The following COL28A1 variants were observed in gnomAD, a reference collection of about 807,000 sequenced individuals.
COL28A1 encodes the protein collagen alpha-1(XXVIII) chain.
Under a neutral mutation model 150.2 loss-of-function variants are expected in COL28A1, and 161 were observed. The observed-to-expected ratio is 1.07, with a 90% CI of 0.94 to 1.22. The LOEUF is 1.22. Ranked by LOEUF, COL28A1 falls within the 50% of genes most tolerant of loss-of-function variation. COL28A1 has a pLI of 0.00. For missense variants in COL28A1, 1,617 were observed against 1,388.3 expected, an observed-to-expected ratio of 1.16 and a Z score of -2.62; for synonymous variants, 552 against 469.7, an observed-to-expected ratio of 1.18 and a Z score of -2.26.
chr7:7,535,006 A>G (rs1444611483), intron 1 of COL28A1, among the ~76,000 whole-genome samples: 2 of 152,022 alleles, frequency 1.3e-5, no homozygotes, highest in Non-Finnish European at 2.9e-5. Flanking sequence ...TTGAGAGCCC[A>G]CTCATTTCTA....
intron 13 of COL28A1, among the ~76,000 whole-genome samples, chr7:7,487,570 T>C (rs1057083263): frequency 6.6e-6 from 1 of 152,056 alleles, no homozygotes. Context: ...AGAGCAAGAC[T>C]CTCTTAAAAA....
chr7:7,438,646 T>C (rs1312830905), intron 21 of COL28A1, among the ~76,000 whole-genome samples: 1 of 151,678 alleles, frequency 6.6e-6, no homozygotes, highest in East Asian at 1.9e-4. Context: ...TATTTTTATC[T>C]CATCAATTAA....
rs528980988 is a variant in COL28A1, at chr7:7,452,203, C to A, written c.1509+116G>T. 166 of 1,434,534 alleles carry A rather than the reference C, an allele frequency of 1.2e-4. 3 individuals are homozygous for A. The African/African-American group carries it at 2.3e-3, about 20-fold the overall frequency. 88.9% of individuals were successfully genotyped at this position (1,434,534 alleles called of 1,614,324 possible). A position where few individuals can be genotyped will look rare whatever the true frequency, so the allele number is the denominator to read the frequency against. On this transcript the variant is annotated intron_variant, in intron 18 of 34. Coordinates refer to ENST00000399429, the MANE Select transcript of COL28A1 (RefSeq NM_001037763.3). ...AGCCGCACTTAAAAAGTAAAAGGAGCCCATTATGTAGAGTTAGATAACACA... is the reference window on the plus strand; with the variant it reads ...AGCCGCACTTAAAAAGTAAAAGGAGACCATTATGTAGAGTTAGATAACACA...
chr7:7,342,718 C>T, the COL28A1 span, among the ~76,000 whole-genome samples: 1,738 of 152,042 alleles, frequency 0.011, 45 homozygotes, highest in East Asian at 0.1. Context: ...CTTTTACTCA[C>T]TTTGGATTTA....
chr7:7,418,369 A>G (rs940105082), intron 26 of COL28A1, among the ~76,000 whole-genome samples: 1 of 152,266 alleles, frequency 6.6e-6, no homozygotes, highest in Non-Finnish European at 1.5e-5. Context: ...TCCAGTGGAT[A>G]TCAATGTCCA....
At chr7:7,392,640 T>C (rs575511754) in intron 27 of COL28A1, among the ~76,000 whole-genome samples, 17 of 152,360 alleles carry the variant, frequency 1.1e-4, no homozygotes, top group African/African-American at 3.8e-4. Flanking sequence ...TCTTTTCACA[T>C]AGTCCCATAT....
intron 3 of COL28A1, among the ~76,000 whole-genome samples, chr7:7,525,865 G>C (rs62450177): frequency 0.038 from 5,854 of 152,130 alleles, 157 homozygotes; most frequent in Non-Finnish European, 0.059. Context: ...TATAAAAAAG[G>C]ACAAAGTTTG....
chr7:7,412,599 T>G (rs750066449), intron 27 of COL28A1, among the ~76,000 whole-genome samples: 2 of 152,134 alleles, frequency 1.3e-5, no homozygotes, highest in Non-Finnish European at 2.9e-5. Context: ...ATGTATTACA[T>G]GCATTACACA....
At position 7,373,338 on chromosome 7, in the gene COL28A1, G is replaced by A. The variant is rs752382195; in HGVS notation, c.2568C>T (p.Ser856=). Residue 856 remains serine (S), a synonymous_variant, in exon 32 of 35, where the codon TCC becomes TCT. Transcript: ENST00000399429. The surrounding 1 kb of genome is among the most constrained non-coding windows in gnomAD (Gnocchi z 4.1). ...VEKVANLKQF[S]SKDDFKLAVD... Reference sequence around the variant, plus strand: ...CAGCCAACTTGAAGTCATCCTTGCTGGAGAACTGCTTCAAATTAGCCACCT... The same window carrying A: ...CAGCCAACTTGAAGTCATCCTTGCTAGAGAACTGCTTCAAATTAGCCACCT... 1.2e-6 allele frequency: 2 copies of A among 1,614,150 alleles called. No individual in the cohort carries two copies. The highest frequency in any genetic ancestry group is 3.3e-5 in the Admixed American group (2 of 60,022).
At chr7:7,353,155 T>C (rs1030990052), downstream of COL28A1, among the ~76,000 whole-genome samples, 4 of 152,184 alleles carry the variant, frequency 2.6e-5, no homozygotes, top group Admixed American at 2.6e-4. Flanking sequence ...AACAAGGACA[T>C]GCCAGTTGTA....
chr7:7,522,465 C>T (rs1033153471), intron 4 of COL28A1, among the ~76,000 whole-genome samples: 2 of 152,120 alleles, frequency 1.3e-5, no homozygotes, highest in Non-Finnish European at 2.9e-5. Context: ...GCACCTTCTT[C>T]CTCATTTTAA....
At chr7:7,534,310 C>A (rs1169603576) in intron 1 of COL28A1, among the ~76,000 whole-genome samples, 1 of 152,072 alleles carries the variant, frequency 6.6e-6, no homozygotes, top group African/African-American at 2.4e-5. Context: ...AAAACAAAAC[C>A]AAGAAATGTG....
intron 18 of COL28A1, among the ~76,000 whole-genome samples, chr7:7,449,489 C>A (rs1406858331): frequency 6.6e-6 from 1 of 151,620 alleles, no homozygotes; most frequent in Non-Finnish European, 1.5e-5. Flanking sequence ...CTTTTGAAGT[C>A]ATTTCTTTTA....
chr7:7,464,946 G>A (rs566052363), intron 15 of COL28A1, among the ~76,000 whole-genome samples: 3 of 152,230 alleles, frequency 2.0e-5, no homozygotes, highest in African/African-American at 4.8e-5. Context: ...AATTAGAAAC[G>A]AAACAGGAGA....
chr7:7,346,836 C>G, the COL28A1 span, among the ~76,000 whole-genome samples: 4 of 151,998 alleles, frequency 2.6e-5, no homozygotes, highest in Non-Finnish European at 4.4e-5. Flanking sequence ...AGGAAGATAG[C>G]AAATATATCA....
Position 7,358,648 on chromosome 7 carries a change from G to A in COL28A1, c.3363C>T (p.Thr1121=). The change falls in exon 35 of 35, where the codon ACC becomes ACT. Residue 1121 remains threonine (T), a synonymous_variant. Coordinates refer to ENST00000399429, the MANE Select transcript of COL28A1 (RefSeq NM_001037763.3). ...ATTTACTTGCTCATCCTTGAATGCAGGTTTCTTGACATTCCTTTTCACTGT... is the reference window on the plus strand; with the variant it reads ...ATTTACTTGCTCATCCTTGAATGCAAGTTTCTTGACATTCCTTTTCACTGT... ...RFNSEKECQE[T]CIQG The A allele has an allele frequency of 6.2e-7, 1 of 1,613,808 alleles. No individual in the cohort carries two copies. Among genetic ancestry groups the A allele is most frequent in the Non-Finnish European group, 8.5e-7 (1 of 1,179,878 alleles).
Position 7,520,713 on chromosome 7 carries a change from G to A in COL28A1, c.760-598C>T, listed in dbSNP as rs188135597. Reference sequence around the variant, plus strand: ...GATAATGTTAAATAACATATTCTGTGGCTTATCCCTACTAAAATGTGACAA... The same window carrying A: ...GATAATGTTAAATAACATATTCTGTAGCTTATCCCTACTAAAATGTGACAA... On this transcript the variant is annotated intron_variant, in intron 5 of 34. Transcript: ENST00000399429. 2.8e-3 allele frequency among the ~76,000 whole-genome samples: 432 copies of A among 152,268 alleles called. 4 individuals carry two copies. Among genetic ancestry groups the A allele is most frequent in the African/African-American group, 9.8e-3 (406 of 41,560 alleles).
intron 25 of COL28A1, among the ~76,000 whole-genome samples, chr7:7,431,061 C>T (rs1784935443): frequency 1.3e-5 from 2 of 152,102 alleles, no homozygotes; most frequent in South Asian, 2.1e-4. Flanking sequence ...TCTTTTATTC[C>T]ACCTGGGAGA....
At chr7:7,435,746 G>C (rs1229653758) in intron 23 of COL28A1, among the ~76,000 whole-genome samples, 1 of 152,152 alleles carries the variant, frequency 6.6e-6, no homozygotes, top group African/African-American at 2.4e-5. Flanking sequence ...TAGTATGGGA[G>C]AATATAAGCA....
Sources: allele counts gnomAD v4.1 joint callset (sites outside exome capture counted in the v4.1 genomes callset), GRCh38; gene constraint gnomAD v4.1.1; non-coding constraint Gnocchi (gnomAD v3.1); transcripts MANE v1.5; gene names NCBI Gene and HGNC (gene_info 2026-07-23, HGNC 2026-07-21).